Variants in GLIS3 observed in about 807,000 individuals in gnomAD.
The protein encoded by GLIS3 is zinc finger protein GLIS3.
Under a neutral mutation model 78.6 loss-of-function variants are expected in GLIS3, and 53 were observed. The observed-to-expected ratio is 0.67, with a 90% CI of 0.54 to 0.85. The LOEUF (loss-of-function observed/expected upper bound fraction) is 0.85, where lower values mean the gene tolerates loss of function less well. Ranked by LOEUF, GLIS3 falls within the 40% of genes least tolerant of loss-of-function variation. The pLI, the probability that GLIS3 is intolerant of heterozygous loss-of-function variation, is 0.00. For missense variants in GLIS3, 1,703 were observed against 1,231.1 expected, an observed-to-expected ratio of 1.38 and a Z score of -5.74; for synonymous variants, 684 against 509.9, an observed-to-expected ratio of 1.34 and a Z score of -4.60.
chr9:3,857,748 G>C (rs914604980), intron 8 of GLIS3, among the ~76,000 whole-genome samples: 1 of 152,144 alleles, frequency 6.6e-6, no homozygotes, highest in Non-Finnish European at 1.5e-5. Context: ...CATCTTAACT[G>C]GTATTACCCT....
chr9:3,895,462 G>C (rs1317074581), intron 7 of GLIS3, among the ~76,000 whole-genome samples: 1 of 152,176 alleles, frequency 6.6e-6, no homozygotes, highest in Non-Finnish European at 1.5e-5. Context: ...GGGATTTTCA[G>C]AATAGTAGAC....
chr9:3,985,089 C>G (rs1174881236), intron 4 of GLIS3, among the ~76,000 whole-genome samples: 1 of 105,994 alleles, frequency 9.4e-6, no homozygotes, highest in African/African-American at 4.1e-5. Flanking sequence ...GTACAGAGCT[C>G]AATTCACAAA....
chr9:4,245,068 A>T (rs1823674372), intron 2 of GLIS3, among the ~76,000 whole-genome samples: 1 of 152,232 alleles, frequency 6.6e-6, no homozygotes, highest in South Asian at 2.1e-4. Flanking sequence ...ACTGGTAAAT[A>T]AATACACATC....
At chr9:4,350,524 C>T (rs578222362), upstream of GLIS3, among the ~76,000 whole-genome samples, 2 of 152,296 alleles carry the variant, frequency 1.3e-5, no homozygotes, top group African/African-American at 4.8e-5. Context: ...TACTATATCT[C>T]TCTGAAATTT....
At position 4,236,351 on chromosome 9, in the gene GLIS3, G is replaced by T. The variant is rs572821961; in HGVS notation, c.388+49687C>A. 2.8e-4 allele frequency among the ~76,000 whole-genome samples: 42 copies of T among 152,266 alleles called. 1 individual carries two copies. In the South Asian group the frequency reaches 6.2e-3, roughly 23 times the overall value. ...TACGTCTCCTTCACTTATTAAAGTT[G>T]TGAGTTTTTAAATAGTTCCTGCTCC... On this transcript the variant is annotated intron_variant, in intron 2 of 10. Coordinates refer to ENST00000381971, the MANE Select transcript of GLIS3 (RefSeq NM_001042413.2).
chr9:3,931,188 C>T (rs1425006377), intron 6 of GLIS3, among the ~76,000 whole-genome samples: 1 of 152,044 alleles, frequency 6.6e-6, no homozygotes, highest in African/African-American at 2.4e-5. Context: ...TCTATCAAAT[C>T]CCCCTGACTG....
At position 3,826,371 on chromosome 9, in the gene GLIS3, C is replaced by T. The variant is rs755453024; in HGVS notation, c.*1901G>A. ...CACTTGTTTAGGCCAAGTGACACGA[C>T]CCACAAAGTCTGCAGGAAGGGTGGT... On this transcript the variant is annotated 3_prime_UTR_variant, in exon 11 of 11. Coordinates refer to ENST00000381971, the MANE Select transcript of GLIS3 (RefSeq NM_001042413.2). The T allele has an allele frequency of 3.9e-5, 6 of 152,150 alleles. No individual in the cohort carries two copies. The highest frequency in any genetic ancestry group is 2.4e-5 in the African/African-American group (1 of 41,430). 9.4% of individuals were successfully genotyped at this position (152,150 alleles called of 1,614,324 possible).
intron 4 of GLIS3, among the ~76,000 whole-genome samples, chr9:4,049,174 A>G (rs1374515559): frequency 6.6e-6 from 1 of 152,114 alleles, no homozygotes; most frequent in South Asian, 2.1e-4. Flanking sequence ...GATAGGAACT[A>G]CTCCAGAAGT....
intron 4 of GLIS3, among the ~76,000 whole-genome samples, chr9:4,067,576 T>C (rs1319501839): frequency 2.0e-5 from 3 of 152,162 alleles, no homozygotes; most frequent in African/African-American, 7.2e-5. Flanking sequence ...GAATATTTTT[T>C]AGAATTCCCA....
chr9:4,184,541 G>A (rs750760584), intron 2 of GLIS3, among the ~76,000 whole-genome samples: 11 of 152,184 alleles, frequency 7.2e-5, no homozygotes, highest in Non-Finnish European at 1.3e-4. Flanking sequence ...TCCGGGACTG[G>A]GAGACACAGG....
the GLIS3 span, among the ~76,000 whole-genome samples, chr9:4,488,364 G>A: frequency 6.6e-6 from 1 of 152,126 alleles, no homozygotes; most frequent in African/African-American, 2.4e-5. Context: ...ATCCCATGCT[G>A]TTAAAAACTT....
At chr9:4,195,993 C>T (rs1232384494) in intron 2 of GLIS3, among the ~76,000 whole-genome samples, 2 of 151,414 alleles carry the variant, frequency 1.3e-5, no homozygotes, top group Non-Finnish European at 1.5e-5. Flanking sequence ...TGTAAATGCA[C>T]CTATCAGTGC....
At chr9:4,357,275 T>C in the GLIS3 span, among the ~76,000 whole-genome samples, 2 of 152,164 alleles carry the variant, frequency 1.3e-5, no homozygotes, top group African/African-American at 2.4e-5. Flanking sequence ...AATCAGTAGA[T>C]TGAATAAAGC....
At chr9:4,022,837 G>A (rs1428878106) in intron 4 of GLIS3, among the ~76,000 whole-genome samples, 1 of 152,162 alleles carries the variant, frequency 6.6e-6, no homozygotes, top group Non-Finnish European at 1.5e-5. Flanking sequence ...TACACTATAT[G>A]ATACCATTTA....
chr9:4,395,777 CTT>C, the GLIS3 span, among the ~76,000 whole-genome samples: 10 of 127,688 alleles, frequency 7.8e-5, no homozygotes, highest in Admixed American at 1.5e-4. Context: ...TTCTTTTTTT[CTT>C]TTTTTTTTTT....
chr9:4,090,722 T>C (rs1829425824), intron 4 of GLIS3, among the ~76,000 whole-genome samples: 1 of 152,184 alleles, frequency 6.6e-6, no homozygotes, highest in African/African-American at 2.4e-5. Context: ...AGTAGCTCCC[T>C]CATAAGGCCC....
intron 9 of GLIS3, among the ~76,000 whole-genome samples, chr9:3,845,896 G>C (rs998670781): frequency 1.3e-5 from 2 of 152,168 alleles, no homozygotes; most frequent in Admixed American, 1.3e-4. Flanking sequence ...GATGGTCCTG[G>C]GTGCAATTTC....
chr9:4,022,245 C>T (rs1822949343), intron 4 of GLIS3, among the ~76,000 whole-genome samples: 1 of 152,198 alleles, frequency 6.6e-6, no homozygotes, highest in African/African-American at 2.4e-5. Flanking sequence ...ATGCACACTG[C>T]ATGGCTAGGA....
intron 2 of GLIS3, among the ~76,000 whole-genome samples, chr9:4,166,646 C>G (rs1815866050): frequency 6.6e-6 from 1 of 152,240 alleles, no homozygotes; most frequent in South Asian, 2.1e-4. Context: ...CCACTAACGT[C>G]CCTTCCAGTT....
Sources: allele counts gnomAD v4.1 joint callset (sites outside exome capture counted in the v4.1 genomes callset), GRCh38; gene constraint gnomAD v4.1.1; transcripts MANE v1.5; gene names NCBI Gene and HGNC (gene_info 2026-07-23, HGNC 2026-07-21).